XKR9: variants seen among roughly 807,000 people sequenced by gnomAD.
The protein encoded by XKR9 is XK-related protein 9.
XKR9 carries 32 observed loss-of-function variants against 32.0 expected under a neutral mutation model. The observed-to-expected ratio is 1.00, with a 90% CI of 0.76 to 1.34. XKR9 has a LOEUF of 1.34. Ranked by LOEUF, XKR9 falls within the 40% of genes most tolerant of loss-of-function variation. XKR9 has a pLI of 0.00. For synonymous variants in XKR9, 168 were observed against 143.4 expected (o/e 1.17, Z -1.22); for missense variants, 546 against 429.7 (o/e 1.27, Z -2.39).
At chr8:70,998,792 T>A in the XKR9 span, among the ~76,000 whole-genome samples, 4 of 152,152 alleles carry the variant, frequency 2.6e-5, no homozygotes, top group African/African-American at 9.7e-5. Flanking sequence ...ACAGGACAGC[T>A]CCTCACTGGG....
the XKR9 span, among the ~76,000 whole-genome samples, chr8:70,816,746 C>T: frequency 1.5e-4 from 10 of 67,672 alleles, no homozygotes; most frequent in South Asian, 3.3e-4. Context: ...CAACCAAACC[C>T]GGCAGCACAT....
At chr8:70,718,338 G>T (rs1356816333) in intron 4 of XKR9, among the ~76,000 whole-genome samples, 1 of 151,464 alleles carries the variant, frequency 6.6e-6, no homozygotes, top group Non-Finnish European at 1.5e-5. Context: ...AAGTTCTGGG[G>T]TACATGTGCA....
At chr8:70,720,457 T>C (rs1350472734) in intron 4 of XKR9, among the ~76,000 whole-genome samples, 1 of 152,212 alleles carries the variant, frequency 6.6e-6, no homozygotes, top group Non-Finnish European at 1.5e-5. Context: ...GCTCTTATTA[T>C]TTTGAGATAT....
the XKR9 span, among the ~76,000 whole-genome samples, chr8:70,994,371 C>T: frequency 6.6e-6 from 1 of 151,924 alleles, no homozygotes; most frequent in Non-Finnish European, 1.5e-5. Flanking sequence ...GATAATTTTG[C>T]TGGGTAGAGA....
chr8:70,795,635 T>G, the XKR9 span, among the ~76,000 whole-genome samples: 1 of 152,088 alleles, frequency 6.6e-6, no homozygotes, highest in East Asian at 1.9e-4. Flanking sequence ...CATAACCTTG[T>G]CAGCATCTGT....
the XKR9 span, among the ~76,000 whole-genome samples, chr8:71,062,334 C>A: frequency 3.3e-5 from 5 of 152,082 alleles, no homozygotes; most frequent in East Asian, 9.6e-4. Context: ...AGTCCAAGAC[C>A]AAGGTGTCAA....
At chr8:70,799,520 C>G in the XKR9 span, among the ~76,000 whole-genome samples, 1 of 151,878 alleles carries the variant, frequency 6.6e-6, no homozygotes, top group African/African-American at 2.4e-5. Flanking sequence ...TTAGTAGAGA[C>G]AGGGTTTCAC....
At chr8:70,716,357 C>CTATGA (rs939381933) in intron 4 of XKR9, among the ~76,000 whole-genome samples, 2 of 152,070 alleles carry the variant, frequency 1.3e-5, no homozygotes, top group African/African-American at 4.8e-5. Flanking sequence ...TCTCATGCTG[C>CTATGA]TATGAAGAAC....
chr8:70,937,257 G>A, the XKR9 span, among the ~76,000 whole-genome samples: 42 of 152,090 alleles, frequency 2.8e-4, no homozygotes, highest in Middle Eastern at 3.4e-3. Context: ...TAAAGTTTAA[G>A]ATATGTTTTT....
chr8:71,035,252 G>A, the XKR9 span, among the ~76,000 whole-genome samples: 16 of 152,176 alleles, frequency 1.1e-4, no homozygotes, highest in Admixed American at 5.9e-4. Flanking sequence ...ATGCACAGGA[G>A]TGATTTATAA....
At chr8:70,946,597 T>G in the XKR9 span, among the ~76,000 whole-genome samples, 23 of 152,258 alleles carry the variant, frequency 1.5e-4, no homozygotes, top group Middle Eastern at 6.8e-3. Context: ...ATAGAGAAAC[T>G]GGGATTAAAA....
chr8:70,707,000 G>A lies in XKR9; in HGVS notation c.340G>A (p.Val114Met), dbSNP rs112321073. ...FKYDSNTSNF[V>M]EEQIDLHKEV... ...ATATGACAGCAATACTAGTAACTTC[G>A]TGGAAGAACAAATTGATCTACATAA... is the stretch of plus-strand genomic sequence containing the variant. The change falls in exon 4 of 5, where the codon GTG becomes ATG. Residue 114 changes from valine (V) to methionine (M), a missense_variant. Transcript: ENST00000408926. 1.2e-6 allele frequency: 2 copies of A among 1,613,118 alleles called. No individual in the cohort carries two copies. Among genetic ancestry groups the A allele is most frequent in the African/African-American group, 1.3e-5 (1 of 74,882 alleles).
At chr8:70,807,937 C>T in the XKR9 span, among the ~76,000 whole-genome samples, 82 of 152,250 alleles carry the variant, frequency 5.4e-4, no homozygotes, top group Middle Eastern at 3.4e-3. Context: ...CAGAACTCTC[C>T]ACCACATTTC....
At chr8:70,829,786 C>T in the XKR9 span, among the ~76,000 whole-genome samples, 2 of 152,104 alleles carry the variant, frequency 1.3e-5, no homozygotes, top group African/African-American at 4.8e-5. Context: ...AACTTACGTT[C>T]CCAAAGAAAC....
At chr8:71,061,161 A>G in the XKR9 span, among the ~76,000 whole-genome samples, 1 of 152,212 alleles carries the variant, frequency 6.6e-6, no homozygotes, top group Non-Finnish European at 1.5e-5. Context: ...GGTCAAGGTT[A>G]CATACTAGTA....
At chr8:70,913,941 C>T in the XKR9 span, among the ~76,000 whole-genome samples, 1 of 152,128 alleles carries the variant, frequency 6.6e-6, no homozygotes, top group Non-Finnish European at 1.5e-5. Flanking sequence ...TTCATTTTTA[C>T]AGCTGATAGT....
At position 70,733,951 on chromosome 8, in the gene XKR9, A is replaced by T; in HGVS notation, c.649A>T (p.Met217Leu). ...CAAGTTGTTTACATTATTATCGTGG[A>T]TGCTGAGTGTTGTACTTCTACTATT... ...FYKLFTLLSWMLSVVLLLFLN... is the reference protein window; with the variant it reads ...FYKLFTLLSWLLSVVLLLFLN... Residue 217 changes from methionine to leucine, a missense_variant, in exon 5 of 5, where the codon ATG becomes TTG. Transcript: ENST00000408926. 6.2e-7 allele frequency: 1 copy of T among 1,612,908 alleles called. No homozygotes were observed. Among genetic ancestry groups the T allele is most frequent in the South Asian group, 1.1e-5 (1 of 90,546 alleles).
chr8:70,851,799 T>C, the XKR9 span, among the ~76,000 whole-genome samples: 1 of 152,102 alleles, frequency 6.6e-6, no homozygotes, highest in African/African-American at 2.4e-5. Context: ...GGATTAAAGA[T>C]TTAAACATAA....
the XKR9 span, among the ~76,000 whole-genome samples, chr8:70,814,299 G>C: frequency 6.6e-6 from 1 of 152,026 alleles, no homozygotes; most frequent in Non-Finnish European, 1.5e-5. Flanking sequence ...TTGTGGGGTG[G>C]GGGAAAGGGG....
Sources: allele counts gnomAD v4.1 joint callset (sites outside exome capture counted in the v4.1 genomes callset), GRCh38; gene constraint gnomAD v4.1.1; transcripts MANE v1.5; gene names NCBI Gene and HGNC (gene_info 2026-07-23, HGNC 2026-07-21).